The following PTGFRN variants were observed in gnomAD, a reference collection of about 807,000 sequenced individuals.
PTGFRN encodes the protein prostaglandin F2 receptor negative regulator.
PTGFRN carries 35 observed loss-of-function variants against 83.2 expected under a neutral mutation model. That is an observed-to-expected ratio of 0.42 (90% CI 0.32 to 0.56). PTGFRN has a LOEUF of 0.56. PTGFRN is among the 20% of genes least tolerant of loss of function. PTGFRN has a pLI of 0.11. For missense variants in PTGFRN, 1,051 were observed against 1,179.5 expected, an observed-to-expected ratio of 0.89 and a Z score of 1.60; for synonymous variants, 519 against 498.6, an observed-to-expected ratio of 1.04 and a Z score of -0.55.
At chr1:116,966,309 G>A (rs990171895) in intron 5 of PTGFRN, among the ~76,000 whole-genome samples, 8 of 152,240 alleles carry the variant, frequency 5.3e-5, no homozygotes, top group African/African-American at 1.9e-4. Context: ...AAAGTGTAAA[G>A]CAAGTGGAAA....
At chr1:116,985,525 C>T (rs1205554640) in intron 8 of PTGFRN, among the ~76,000 whole-genome samples, 6 of 151,892 alleles carry the variant, frequency 4.0e-5, no homozygotes, top group African/African-American at 9.7e-5. Context: ...AGTGAAACCC[C>T]GTCTCTACTA....
chr1:116,929,532 C>T lies in PTGFRN; in HGVS notation c.50-12183C>T, dbSNP rs139644932. Among the ~76,000 whole-genome samples, 165 of 152,232 alleles carry T rather than the reference C, an allele frequency of 1.1e-3. 5 individuals carry two copies. The South Asian group carries it at 0.027, about 25-fold the overall frequency. On this transcript the variant is annotated intron_variant, in intron 1 of 8. Transcript: ENST00000393203. ...TCTTTTTTTTCTGTACTTTAAACACCCAAGCTTGCTCCATCACAGTGCTTT... is the reference window on the plus strand; with the variant it reads ...TCTTTTTTTTCTGTACTTTAAACACTCAAGCTTGCTCCATCACAGTGCTTT...
chr1:116,959,689 A>G (rs1490393209), intron 4 of PTGFRN, among the ~76,000 whole-genome samples: 1 of 152,180 alleles, frequency 6.6e-6, no homozygotes, highest in Non-Finnish European at 1.5e-5. Context: ...GTAGCCCTTT[A>G]TAGGCCGGGT....
chr1:116,958,009 A>G lies in PTGFRN; in HGVS notation c.1214-3234A>G, dbSNP rs1010373302. Among the ~76,000 whole-genome samples the G allele has an allele frequency of 1.6e-4, 24 of 151,762 alleles. No individual in the cohort carries two copies. Among genetic ancestry groups the G allele is most frequent in the Non-Finnish European group, 3.2e-4 (22 of 67,968 alleles). ...TATATATACCATATTTTTTTAATCC[A>G]TTCATCTGTTGATGGACACGGGTTG... On this transcript the variant is annotated intron_variant, in intron 4 of 8. Coordinates refer to ENST00000393203, the MANE Select transcript of PTGFRN (RefSeq NM_020440.4). This position sits in a 1 kb window ranked among gnomAD's most constrained non-coding sequence, Gnocchi z 4.9.
chr1:116,933,304 C>T (rs887001871), intron 1 of PTGFRN, among the ~76,000 whole-genome samples: 5 of 151,652 alleles, frequency 3.3e-5, no homozygotes, highest in Non-Finnish European at 5.9e-5. Context: ...GATTAGAACA[C>T]GTATCAGTGA....
intron 7 of PTGFRN, among the ~76,000 whole-genome samples, chr1:116,981,412 A>G (rs1185280724): frequency 1.3e-5 from 2 of 152,206 alleles, no homozygotes; most frequent in East Asian, 3.9e-4. Flanking sequence ...ACAAGTTTCT[A>G]TGTGGAGACT....
chr1:116,947,274 C>G (rs1214533619), intron 3 of PTGFRN, among the ~76,000 whole-genome samples: 1 of 152,238 alleles, frequency 6.6e-6, no homozygotes, highest in Non-Finnish European at 1.5e-5. Context: ...CCCAGCCCCT[C>G]CTCCCTGTCA....
intron 1 of PTGFRN, among the ~76,000 whole-genome samples, chr1:116,924,934 C>T (rs1191493711): frequency 6.6e-6 from 1 of 152,114 alleles, no homozygotes; most frequent in Non-Finnish European, 1.5e-5. Context: ...CAGTTGGCTC[C>T]AGGTGATCGT....
chr1:116,931,052 C>A (rs753919742), intron 1 of PTGFRN, among the ~76,000 whole-genome samples: 2 of 152,178 alleles, frequency 1.3e-5, no homozygotes, highest in Non-Finnish European at 2.9e-5. Context: ...TTATATCCTT[C>A]CTTATACAGG....
intron 1 of PTGFRN, 93 bp downstream of exon 1, chr1:116,910,345 C>G (rs1309188243): frequency 1.4e-4 from 162 of 1,131,566 alleles, no homozygotes; most frequent in Non-Finnish European, 1.7e-4. Context: ...GCCTGGGGCG[C>G]CGAGGGTGCC....
intron 5 of PTGFRN, among the ~76,000 whole-genome samples, chr1:116,965,827 T>C (rs1650811723): frequency 6.6e-6 from 1 of 152,252 alleles, no homozygotes; most frequent in African/African-American, 2.4e-5. Context: ...TTCACCGTTA[T>C]GTTTCCAGTA....
chr1:116,936,681 T>C (rs1649928297), intron 1 of PTGFRN, among the ~76,000 whole-genome samples: 1 of 152,152 alleles, frequency 6.6e-6, no homozygotes, highest in African/African-American at 2.4e-5. Flanking sequence ...AGTGAAGAGA[T>C]GTTTGTTTTG....
intron 4 of PTGFRN, among the ~76,000 whole-genome samples, chr1:116,957,484 A>G (rs775111123): frequency 5.9e-5 from 9 of 152,020 alleles, no homozygotes; most frequent in Non-Finnish European, 1.2e-4. Flanking sequence ...TCACTCCAAC[A>G]TGTTTTTTTA....
rs189734714 is a variant in PTGFRN at position 116,981,641 on chromosome 1, A to T, written c.2168-3039A>T. On this transcript the variant is annotated intron_variant, in intron 7 of 8. Transcript: ENST00000393203. Reference sequence around the variant, plus strand: ...CTCCCAGTTGAATGTTCAGGTCAGCAAATATTTTCTGTAAAGGACCTGGGT... The same window carrying T: ...CTCCCAGTTGAATGTTCAGGTCAGCTAATATTTTCTGTAAAGGACCTGGGT... Among the ~76,000 whole-genome samples, 67 of 152,372 alleles carry T rather than the reference A, an allele frequency of 4.4e-4. 1 individual carries two copies. In the East Asian group the frequency reaches 9.8e-3, roughly 22 times the overall value.
rs1234357211 is a variant in PTGFRN, at chr1:116,910,090, G to T, written c.-114G>T. 6 of 1,169,006 alleles carry T rather than the reference G, an allele frequency of 5.1e-6. No individual in the cohort carries two copies. In the African/African-American group the frequency reaches 7.9e-5, roughly 15 times the overall value. 72.4% of individuals were successfully genotyped at this position (1,169,006 alleles called of 1,614,324 possible). Reference sequence around the variant, plus strand: ...GGCTCGCGAGGAGAGCGGAGCAGGCGCGCGGCCCAGGCGGAGGAGCGCCGA... The same window carrying T: ...GGCTCGCGAGGAGAGCGGAGCAGGCTCGCGGCCCAGGCGGAGGAGCGCCGA... On this transcript the variant is annotated 5_prime_UTR_variant, in exon 1 of 9. Coordinates refer to ENST00000393203, the MANE Select transcript of PTGFRN (RefSeq NM_020440.4).
chr1:116,969,134 T>C (rs969927277), intron 6 of PTGFRN, among the ~76,000 whole-genome samples: 1 of 148,562 alleles, frequency 6.7e-6, no homozygotes, highest in Non-Finnish European at 1.5e-5. Context: ...TTTTTTTTTT[T>C]CCTTTTGTTG....
At chr1:116,928,839 A>C (rs1179081008) in intron 1 of PTGFRN, among the ~76,000 whole-genome samples, 1 of 152,200 alleles carries the variant, frequency 6.6e-6, no homozygotes, top group Non-Finnish European at 1.5e-5. Context: ...GAAAAAAAGT[A>C]AGGGCTCTAT....
chr1:116,980,491 G>A (rs1349339692), intron 7 of PTGFRN, among the ~76,000 whole-genome samples: 2 of 152,210 alleles, frequency 1.3e-5, no homozygotes, highest in Non-Finnish European at 1.5e-5. Context: ...TTAAGAAAAT[G>A]TGGCACATAT....
intron 7 of PTGFRN, 126 bp downstream of exon 7, chr1:116,974,449 C>A (rs1010529252): frequency 8.5e-6 from 6 of 706,782 alleles, no homozygotes; most frequent in Admixed American, 2.7e-5. Context: ...AACTGCCTGG[C>A]CCAGTACTTT....
Sources: gnomAD v4.1 joint callset for allele counts (sites outside exome capture counted in the v4.1 genomes callset) on GRCh38, gnomAD v4.1.1 for gene constraint, Gnocchi (gnomAD v3.1) non-coding constraint, MANE v1.5 for transcripts, NCBI Gene and HGNC (gene_info 2026-07-23, HGNC 2026-07-21) for gene names.